The following CUX2 variants were observed in gnomAD, a reference collection of about 807,000 sequenced individuals.
CUX2 encodes cut like homeobox 2.
In CUX2, 40 loss-of-function variants were observed where a neutral mutation model predicts 144.8. The observed-to-expected ratio is 0.28, with a 90% CI of 0.21 to 0.36. The LOEUF is 0.36. CUX2 is among the 10% of genes least tolerant of loss of function. CUX2 has a pLI of 1.00. For synonymous variants in CUX2, 827 were observed against 875.6 expected (o/e 0.94, Z 0.98); for missense variants, 1,615 against 1,994.0 (o/e 0.81, Z 3.62).
At chr12:111,065,800 A>G (rs1337851587) in intron 1 of CUX2, among the ~76,000 whole-genome samples, 2 of 152,196 alleles carry the variant, frequency 1.3e-5, no homozygotes, top group African/African-American at 4.8e-5. Context: ...AATTTGTTAG[A>G]CATGCAAATT....
chr12:111,311,602 TA>T lies in CUX2; in HGVS notation c.1901-497del, dbSNP rs199630640. On this transcript the variant is annotated intron_variant, in intron 15 of 21. Coordinates refer to ENST00000261726, the MANE Select transcript of CUX2 (RefSeq NM_015267.4). Reference sequence around the variant, plus strand: ...CTGTACCCTATTTCTTTATTATTATTATTTTTTTTTTTTTGAGACGGAGTCT... The same window carrying T: ...CTGTACCCTATTTCTTTATTATTATTTTTTTTTTTTTTTGAGACGGAGTCT... 6.2e-5 allele frequency among the ~76,000 whole-genome samples: 8 copies of T among 128,114 alleles called. No individual in the cohort carries two copies. The South Asian group carries it at 7.6e-4, about 12-fold the overall frequency. 84.0% of individuals were successfully genotyped at this position (128,114 alleles called of 152,430 possible).
intron 1 of CUX2, among the ~76,000 whole-genome samples, chr12:111,094,085 G>A (rs1027025356): frequency 6.6e-5 from 10 of 152,190 alleles, no homozygotes; most frequent in African/African-American, 1.2e-4. Flanking sequence ...GCAATTTGAC[G>A]GACAGGGGAC....
At chr12:111,212,448 G>A (rs1881285817) in intron 1 of CUX2, among the ~76,000 whole-genome samples, 1 of 152,164 alleles carries the variant, frequency 6.6e-6, no homozygotes, top group East Asian at 1.9e-4. Flanking sequence ...GAATGCAGTG[G>A]CACCATCACA....
In CUX2 at chr12:111,320,932, CTGCTCCGTGGTTGTTA is replaced by C. The variant is rs1887496280; in HGVS notation, c.2766+158_2766+173del. 6.6e-6 allele frequency among the ~76,000 whole-genome samples: 1 copy of C among 152,226 alleles called. No homozygotes were observed. The highest frequency in any genetic ancestry group is 6.5e-5 in the Admixed American group (1 of 15,286). On this transcript the variant is annotated intron_variant, in intron 17 of 21. Transcript: ENST00000261726. This position sits in a 1 kb window ranked among gnomAD's most constrained non-coding sequence, Gnocchi z 8.1. ...TCCCGCAGGAAGGAGGGCCACTGTT[CTGCTCCGTGGTTGTTA>C]AAACCAGGAAATGCTTCCATCCTGG...
chr12:111,116,209 A>T (rs1874295418), intron 1 of CUX2, among the ~76,000 whole-genome samples: 1 of 152,214 alleles, frequency 6.6e-6, no homozygotes, highest in African/African-American at 2.4e-5. Flanking sequence ...CAGAAGTTTA[A>T]TTTATCTGGG....
intron 3 of CUX2, among the ~76,000 whole-genome samples, chr12:111,226,778 C>G (rs1004868374): frequency 6.6e-6 from 1 of 152,190 alleles, no homozygotes; most frequent in Admixed American, 6.5e-5. Flanking sequence ...GCGTCTGGGC[C>G]GGGCTGGGAA....
intron 1 of CUX2, among the ~76,000 whole-genome samples, chr12:111,053,893 G>A (rs1010066350): frequency 8.5e-5 from 13 of 152,196 alleles, no homozygotes; most frequent in Non-Finnish European, 1.6e-4. Flanking sequence ...AGTGGCTCAC[G>A]CCTGTAATCC....
chr12:111,184,430 A>T (rs747782877), intron 1 of CUX2, among the ~76,000 whole-genome samples: 2 of 152,146 alleles, frequency 1.3e-5, no homozygotes, highest in Non-Finnish European at 2.9e-5. Flanking sequence ...GACTGAATAG[A>T]TAAGACTCAT....
chr12:111,185,905 C>G (rs1252048224), intron 1 of CUX2, among the ~76,000 whole-genome samples: 2 of 151,898 alleles, frequency 1.3e-5, no homozygotes, highest in Non-Finnish European at 2.9e-5. Flanking sequence ...TTCTCCCTCT[C>G]TCTCTCATAC....
chr12:111,147,664 A>G (rs1367627406), intron 1 of CUX2, among the ~76,000 whole-genome samples: 6 of 152,186 alleles, frequency 3.9e-5, no homozygotes, highest in Admixed American at 3.9e-4. Flanking sequence ...CAGGATGAAG[A>G]TGGATGGCAA....
At chr12:111,340,861 T>C (rs1888545372) in intron 20 of CUX2, among the ~76,000 whole-genome samples, 1 of 152,204 alleles carries the variant, frequency 6.6e-6, no homozygotes, top group Non-Finnish European at 1.5e-5. Flanking sequence ...CCTCTGCCTT[T>C]ACCTCTTTTA....
At chr12:111,056,066 C>T (rs999250314) in intron 1 of CUX2, among the ~76,000 whole-genome samples, 28 of 152,154 alleles carry the variant, frequency 1.8e-4, no homozygotes, top group Admixed American at 9.8e-4. Flanking sequence ...TGTTGAGATC[C>T]GAGGCAAAAG....
chr12:111,313,822 C>T (rs1887031656), intron 16 of CUX2, among the ~76,000 whole-genome samples: 1 of 152,164 alleles, frequency 6.6e-6, no homozygotes, highest in African/African-American at 2.4e-5. Flanking sequence ...GCTGTCCCTC[C>T]GTCTGCTGTG....
chr12:111,293,123 C>A lies in CUX2; in HGVS notation c.437-323C>A. On this transcript the variant is annotated intron_variant, in intron 5 of 21. Transcript: ENST00000261726. This position sits in a 1 kb window ranked among gnomAD's most constrained non-coding sequence, Gnocchi z 4.5. Reference sequence around the variant, plus strand: ...CAGCCTGGGCAACAGACCAAGACTCCGTCTCAAAAAAAAAATAAAAAATAA... The same window carrying A: ...CAGCCTGGGCAACAGACCAAGACTCAGTCTCAAAAAAAAAATAAAAAATAA... 7.0e-6 allele frequency among the ~76,000 whole-genome samples: 1 copy of A among 143,204 alleles called. No individual in the cohort carries two copies. The highest frequency in any genetic ancestry group is 2.7e-5 in the African/African-American group (1 of 36,906). 93.9% of individuals were successfully genotyped at this position (143,204 alleles called of 152,430 possible). A position where few individuals can be genotyped will look rare whatever the true frequency, so the allele number is the denominator to read the frequency against.
chr12:111,056,609 C>T (rs570056964), intron 1 of CUX2, among the ~76,000 whole-genome samples: 2 of 152,302 alleles, frequency 1.3e-5, no homozygotes, highest in South Asian at 4.1e-4. Context: ...CATGCTCTTG[C>T]CTTGCAAGTT....
intron 18 of CUX2, among the ~76,000 whole-genome samples, chr12:111,323,505 G>A (rs1399120729): frequency 6.6e-6 from 1 of 152,200 alleles, no homozygotes; most frequent in Non-Finnish European, 1.5e-5. Context: ...TTAAAAAGAG[G>A]CTGAGGACAG....
chr12:111,296,664 C>T lies in CUX2; in HGVS notation c.704+125C>T, dbSNP rs182195061. 1,139 of 759,202 alleles carry T rather than the reference C, an allele frequency of 1.5e-3. 1 individual carries two copies. The highest frequency in any genetic ancestry group is 2.3e-3 in the Non-Finnish European group (1,034 of 456,820). 47.0% of individuals were successfully genotyped at this position (759,202 alleles called of 1,614,324 possible). Reference sequence around the variant, plus strand: ...CCCAGACACACCTCCTCCCTCTGACCCTCCAGTACTTGCCTCCACCCTCTG... The same window carrying T: ...CCCAGACACACCTCCTCCCTCTGACTCTCCAGTACTTGCCTCCACCCTCTG... On this transcript the variant is annotated intron_variant, in intron 8 of 21. Transcript: ENST00000261726.
rs1490387645 is a variant in CUX2 at position 111,304,420 on chromosome 12, T to G, written c.858+106T>G. 2 of 848,948 alleles carry G rather than the reference T, an allele frequency of 2.4e-6. No individual in the cohort carries two copies. The highest frequency in any genetic ancestry group is 3.4e-5 in the African/African-American group (2 of 59,442). 52.6% of individuals were successfully genotyped at this position (848,948 alleles called of 1,614,324 possible). A position where few individuals can be genotyped will look rare whatever the true frequency, so the allele number is the denominator to read the frequency against. ...GGGTGACACTTTGTGGTTGATTGTG[T>G]GCATCCATTTGAAACTGGGAGTGTG... is the stretch of plus-strand genomic sequence containing the variant. On this transcript the variant is annotated intron_variant, in intron 10 of 21. Coordinates refer to ENST00000261726, the MANE Select transcript of CUX2 (RefSeq NM_015267.4). This position sits in a 1 kb window ranked among gnomAD's most constrained non-coding sequence, Gnocchi z 4.7.
rs1565938611 is a variant in CUX2 at position 111,347,668 on chromosome 12, G to A, written c.3804G>A (p.Gln1268=). The A allele has an allele frequency of 3.7e-6, 5 of 1,369,004 alleles. No individual in the cohort carries two copies. Among genetic ancestry groups the A allele is most frequent in the Non-Finnish European group, 4.9e-6 (5 of 1,025,258 alleles). 84.8% of individuals were successfully genotyped at this position (1,369,004 alleles called of 1,614,324 possible). Residue 1268 remains glutamine, a synonymous_variant, in exon 22 of 22, where the codon CAG becomes CAA. Coordinates refer to ENST00000261726, the MANE Select transcript of CUX2 (RefSeq NM_015267.4). ...PQSPDSETED[Q]KPTVKELELQ... is the part of the protein sequence containing the mutation. ...GCCCTGACTCTGAGACTGAGGACCA[G>A]AAGCCAACCGTGAAGGAACTGGAGC... is the stretch of plus-strand genomic sequence containing the variant.
Sources: allele counts gnomAD v4.1 joint callset (sites outside exome capture counted in the v4.1 genomes callset), GRCh38; gene constraint gnomAD v4.1.1; non-coding constraint Gnocchi (gnomAD v3.1); transcripts MANE v1.5; gene names NCBI Gene and HGNC (gene_info 2026-07-23, HGNC 2026-07-21).